Variants in CHST11 observed in about 807,000 individuals in gnomAD.
CHST11 encodes the protein C4S-1.
In CHST11, 9 loss-of-function variants were observed where a neutral mutation model predicts 30.4. That is an observed-to-expected ratio of 0.30 (90% CI 0.18 to 0.52). The LOEUF (loss-of-function observed/expected upper bound fraction) is 0.52, where lower values mean the gene tolerates loss of function less well. Among genes scored for constraint, CHST11 ranks in the 20% least tolerant of loss-of-function variants. The probability of loss-of-function intolerance (pLI) is 0.97; values close to 1 mark genes in which losing one functional copy is unlikely to be tolerated. For missense variants in CHST11, 348 were observed against 460.6 expected, an observed-to-expected ratio of 0.76 and a Z score of 2.24; for synonymous variants, 152 against 187.8, an observed-to-expected ratio of 0.81 and a Z score of 1.56.
rs114543169 is a variant in CHST11, at chr12:104,646,791, C to T, written c.204+44800C>T. 7.6e-3 allele frequency among the ~76,000 whole-genome samples: 1,161 copies of T among 152,336 alleles called. 14 individuals are homozygous for T. The highest frequency in any genetic ancestry group is 0.025 in the African/African-American group (1,056 of 41,572). The stretch of plus-strand genomic sequence containing the variant: ...ACCAGGACCAATGTGCCAGGCTCAG[C>T]GCTGAATCATCAGAGCCTAAAGTGT... On this transcript the variant is annotated intron_variant, in intron 2 of 2. Coordinates refer to ENST00000303694, the MANE Select transcript of CHST11 (RefSeq NM_018413.6).
At chr12:104,585,528 C>G (rs767051209) in intron 1 of CHST11, among the ~76,000 whole-genome samples, 4 of 152,212 alleles carry the variant, frequency 2.6e-5, no homozygotes, top group Non-Finnish European at 1.5e-5. Context: ...AAACACGTGA[C>G]ATGGATGAAC....
rs79643298 is a variant in CHST11 at position 104,620,940 on chromosome 12, A to G, written c.204+18949A>G. On this transcript the variant is annotated intron_variant, in intron 2 of 2. Transcript: ENST00000303694. ...AACCAGGGAGGAAGAAGTGATAAGTATCTTGTTAAGATAAGTCTTTGCCAA... is the reference window on the plus strand; with the variant it reads ...AACCAGGGAGGAAGAAGTGATAAGTGTCTTGTTAAGATAAGTCTTTGCCAA... Among the ~76,000 whole-genome samples, 390 of 152,362 alleles carry G rather than the reference A, an allele frequency of 2.6e-3. 4 individuals carry two copies. Among genetic ancestry groups the G allele is most frequent in the African/African-American group, 8.8e-3 (365 of 41,584 alleles).
chr12:104,727,518 C>T (rs2040225508), intron 2 of CHST11, among the ~76,000 whole-genome samples: 1 of 152,234 alleles, frequency 6.6e-6, no homozygotes, highest in African/African-American at 2.4e-5. Context: ...ACATTCACCA[C>T]ACCTTGGAGC....
chr12:104,715,485 G>A (rs556933535), intron 2 of CHST11, among the ~76,000 whole-genome samples: 1 of 152,196 alleles, frequency 6.6e-6, no homozygotes, highest in African/African-American at 2.4e-5. Context: ...ATTAAGTGCC[G>A]GCTGCCAAGC....
intron 2 of CHST11, among the ~76,000 whole-genome samples, chr12:104,695,812 A>G (rs565875290): frequency 1.2e-4 from 18 of 152,142 alleles, no homozygotes; most frequent in Admixed American, 2.6e-4. Context: ...ATTGCCACGT[A>G]CAGAGTAACT....
At chr12:104,483,602 A>G (rs1053438554) in intron 1 of CHST11, among the ~76,000 whole-genome samples, 3 of 152,088 alleles carry the variant, frequency 2.0e-5, no homozygotes, top group Non-Finnish European at 4.4e-5. Context: ...TTGGATAATA[A>G]GAGAAGAGAG....
intron 1 of CHST11, among the ~76,000 whole-genome samples, chr12:104,545,540 AG>A (rs1174423302): frequency 6.6e-6 from 1 of 152,266 alleles, no homozygotes; most frequent in Non-Finnish European, 1.5e-5. Context: ...GCTTAAATAT[AG>A]AACAAATGAT....
At position 104,757,722 on chromosome 12, in the gene CHST11, C is replaced by G. The variant is rs769094029; in HGVS notation, c.978C>G (p.His326Gln). ...TCTTCCAGAACATCAGCTCAGAGCA[C>G]CAAACGCAGCTGTACGAAGTCTACA... ...TEFFQNISSE[H>Q]QTQLYEVYKL... is the part of the protein sequence containing the mutation. The change falls in exon 3 of 3, where the codon CAC becomes CAG. Residue 326 changes from histidine to glutamine, a missense_variant. Physicochemically the swap from His to Gln is conservative, Grantham distance 24 (BLOSUM62 0). Coordinates refer to ENST00000303694, the MANE Select transcript of CHST11 (RefSeq NM_018413.6). This position sits in a 1 kb window ranked among gnomAD's most constrained non-coding sequence, Gnocchi z 6.5. 2.5e-6 allele frequency: 4 copies of G among 1,614,158 alleles called. No homozygotes were observed. In the South Asian group the frequency reaches 4.4e-5, roughly 18 times the overall value.
At chr12:104,515,163 A>T (rs1456560026) in intron 1 of CHST11, among the ~76,000 whole-genome samples, 1 of 152,232 alleles carries the variant, frequency 6.6e-6, no homozygotes, top group African/African-American at 2.4e-5. Context: ...TTCTTGACAC[A>T]TGAAAAGTCT....
At chr12:104,754,956 A>T (rs1194347122) in intron 2 of CHST11, among the ~76,000 whole-genome samples, 1 of 152,186 alleles carries the variant, frequency 6.6e-6, no homozygotes, top group Non-Finnish European at 1.5e-5. Flanking sequence ...CTCCTTAGTC[A>T]TACTGTCTGC....
chr12:104,700,898 CAGG>C (rs2039986353), intron 2 of CHST11, among the ~76,000 whole-genome samples: 1 of 152,112 alleles, frequency 6.6e-6, no homozygotes, highest in African/African-American at 2.4e-5. Flanking sequence ...ATCACGAGGT[CAGG>C]AGATCAAGAT....
chr12:104,514,121 T>C (rs2037997091), intron 1 of CHST11: 10 of 1,219,356 alleles, frequency 8.2e-6, no homozygotes, highest in Non-Finnish European at 1.2e-5. Context: ...CCTTCTTGAA[T>C]AGCCCAGAGA....
At chr12:104,738,421 C>T (rs893195171) in intron 2 of CHST11, among the ~76,000 whole-genome samples, 1 of 152,238 alleles carries the variant, frequency 6.6e-6, no homozygotes, top group African/African-American at 2.4e-5. Context: ...TCATTCCCTG[C>T]TCTCCCAAGC....
intron 2 of CHST11, among the ~76,000 whole-genome samples, chr12:104,689,466 A>C (rs2039878297): frequency 6.6e-6 from 1 of 152,240 alleles, no homozygotes; most frequent in Non-Finnish European, 1.5e-5. Flanking sequence ...GGCTGAGACG[A>C]GGTGAGCAAG....
rs192828146 is a variant in CHST11, at chr12:104,486,284, A to G, written c.118+28755A>G. Among the ~76,000 whole-genome samples, 123 of 148,160 alleles carry G rather than the reference A, an allele frequency of 8.3e-4. 1 individual carries two copies. The highest frequency in any genetic ancestry group is 2.5e-3 in the Admixed American group (37 of 14,544). Reference sequence around the variant, plus strand: ...CTTCACTTCACATCCATGGGGAAAAAGTGTTTTAAAGTCAGTGTGATTTTT... The same window carrying G: ...CTTCACTTCACATCCATGGGGAAAAGGTGTTTTAAAGTCAGTGTGATTTTT... On this transcript the variant is annotated intron_variant, in intron 1 of 2. Transcript: ENST00000303694.
chr12:104,594,457 T>C (rs1473106950), intron 1 of CHST11, among the ~76,000 whole-genome samples: 1 of 152,214 alleles, frequency 6.6e-6, no homozygotes, highest in African/African-American at 2.4e-5. Flanking sequence ...TGTTTACCTC[T>C]CATATTTATG....
chr12:104,634,020 A>G (rs1211953417), intron 2 of CHST11, among the ~76,000 whole-genome samples: 1 of 152,184 alleles, frequency 6.6e-6, no homozygotes, highest in Admixed American at 6.5e-5. Flanking sequence ...ACTTCATTCA[A>G]CAAATATTTT....
chr12:104,654,805 GC>G (rs1188749734), intron 2 of CHST11, among the ~76,000 whole-genome samples: 3 of 152,108 alleles, frequency 2.0e-5, no homozygotes, highest in Non-Finnish European at 4.4e-5. Context: ...TTAACCATGA[GC>G]CCCTCCACCC....
intron 1 of CHST11, among the ~76,000 whole-genome samples, chr12:104,488,531 ATATGTGTG>A (rs1377882739): frequency 7.1e-6 from 1 of 141,368 alleles, no homozygotes; most frequent in East Asian, 2.1e-4. Flanking sequence ...CTCTGTGTGT[ATATGTGTG>A]TATGTGTGCG....
Sources: gnomAD v4.1 joint callset for allele counts (sites outside exome capture counted in the v4.1 genomes callset) on GRCh38, gnomAD v4.1.1 for gene constraint, Gnocchi (gnomAD v3.1) non-coding constraint, MANE v1.5 for transcripts, NCBI Gene and HGNC (gene_info 2026-07-23, HGNC 2026-07-21) for gene names.